PKHD1: variants seen among roughly 807,000 people sequenced by gnomAD.
PKHD1 encodes PKHD1 ciliary IPT domain containing fibrocystin/polyductin, also known as fibrocystin.
Under a neutral mutation model 412.0 loss-of-function variants are expected in PKHD1, and 291 were observed. That is an observed-to-expected ratio of 0.71 (90% CI 0.64 to 0.78). PKHD1 has a LOEUF of 0.78. Ranked by LOEUF, PKHD1 falls within the 30% of genes least tolerant of loss-of-function variation. The pLI is 0.00. For missense variants in PKHD1, 4,825 were observed against 4,950.7 expected (o/e 0.97, Z 0.76); for synonymous variants, 1,777 against 1,821.5 (o/e 0.98, Z 0.62).
chr6:52,040,566 T>C (rs1432977439), intron 27 of PKHD1, among the ~76,000 whole-genome samples: 2 of 152,100 alleles, frequency 1.3e-5, no homozygotes, highest in Non-Finnish European at 1.5e-5. Flanking sequence ...ATAACTTGCT[T>C]TGGGTCATCT....
chr6:51,706,494 A>G (rs1323067429), intron 60 of PKHD1, among the ~76,000 whole-genome samples: 1 of 150,516 alleles, frequency 6.6e-6, no homozygotes, highest in African/African-American at 2.4e-5. Flanking sequence ...AAAAAAAAAA[A>G]GGGTAACATG....
chr6:51,854,558 C>T (rs1772938833), intron 49 of PKHD1, among the ~76,000 whole-genome samples: 2 of 152,172 alleles, frequency 1.3e-5, no homozygotes, highest in African/African-American at 4.8e-5. Flanking sequence ...ACGGAGACTG[C>T]AGCTACCCAC....
At chr6:52,022,993 T>C (rs765208323) in intron 32 of PKHD1, 49 bp from the exon 33 acceptor site, 16 of 1,608,418 alleles carry the variant, frequency 9.9e-6, no homozygotes, top group Non-Finnish European at 7.7e-6. Context: ...AAATCTCCCT[T>C]CTTTACTCAA....
chr6:51,643,457 T>C (rs531179022), intron 63 of PKHD1, among the ~76,000 whole-genome samples: 1 of 152,050 alleles, frequency 6.6e-6, no homozygotes, highest in Admixed American at 6.5e-5. Context: ...TTTCAACAAA[T>C]TGAACAAAAG....
intron 60 of PKHD1, among the ~76,000 whole-genome samples, chr6:51,689,029 C>A (rs1777817392): frequency 6.6e-6 from 1 of 152,190 alleles, no homozygotes; most frequent in Non-Finnish European, 1.5e-5. Context: ...CAAAACCTGG[C>A]AGAGATACAA....
In PKHD1 at chr6:51,693,696, G is replaced by A. The variant is rs540409710; in HGVS notation, c.10157-33727C>T. On this transcript the variant is annotated intron_variant, in intron 60 of 66. Transcript: ENST00000371117. ...GCTTCATTAAAAACATGGGATGGCA[G>A]TGGTATAGCCATTACCTCCTTTGCT... 5.9e-5 allele frequency among the ~76,000 whole-genome samples: 9 copies of A among 152,324 alleles called. No individual in the cohort carries two copies. In the South Asian group the frequency reaches 1.7e-3, roughly 28 times the overall value.
intron 60 of PKHD1, among the ~76,000 whole-genome samples, chr6:51,671,234 G>C (rs960042889): frequency 2.0e-5 from 3 of 151,900 alleles, no homozygotes; most frequent in Non-Finnish European, 4.4e-5. Flanking sequence ...TTTCTTGGAG[G>C]CTTTGCTCGT....
chr6:51,834,688 AATG>A, intron 51 of PKHD1, among the ~76,000 whole-genome samples: 1 of 152,192 alleles, frequency 6.6e-6, no homozygotes, highest in Non-Finnish European at 1.5e-5. Flanking sequence ...AGAATCAGGC[AATG>A]TCTTGAAAGT....
chr6:51,658,899 T>C, intron 61 of PKHD1, 53 bp downstream of exon 61: 1 of 1,123,020 alleles, frequency 8.9e-7, no homozygotes, highest in Non-Finnish European at 1.4e-6. Flanking sequence ...CATATGTCAA[T>C]ATGGACCTAA....
At chr6:51,924,440 G>A (rs77388502) in intron 37 of PKHD1, among the ~76,000 whole-genome samples, 4,778 of 152,172 alleles carry the variant, frequency 0.031, 143 homozygotes, top group East Asian at 0.11. Context: ...TATAAATTTC[G>A]GACTTTACCT....
intron 60 of PKHD1, among the ~76,000 whole-genome samples, chr6:51,738,764 C>T (rs924569255): frequency 1.3e-5 from 2 of 152,196 alleles, no homozygotes; most frequent in Non-Finnish European, 2.9e-5. Context: ...CCACCTCTCA[C>T]ACATGCTGAG....
rs1200589688 is a variant in PKHD1 at position 51,748,447 on chromosome 6, C to T, written c.9169G>A (p.Ala3057Thr). 3 of 1,613,872 alleles carry T rather than the reference C, an allele frequency of 1.9e-6. No individual in the cohort carries two copies. Among genetic ancestry groups the T allele is most frequent in the Admixed American group, 1.7e-5 (1 of 59,944 alleles). Residue 3057 changes from alanine to threonine, a missense_variant, in exon 58 of 67, where the codon GCC becomes ACC. By Grantham distance (58) the Ala-to-Thr change is moderately conservative. Coordinates refer to ENST00000371117, the MANE Select transcript of PKHD1 (RefSeq NM_138694.4). Reference sequence around the variant, plus strand: ...ACAAGGTTATTAGTGACAGTATAGGCCTGACCCTCTAAATCTATGCCATGG... The same window carrying T: ...ACAAGGTTATTAGTGACAGTATAGGTCTGACCCTCTAAATCTATGCCATGG... ...AGHGIDLEGQ[A>T]YTVTNNLVVL...
At chr6:51,896,148 A>T (rs996622281) in intron 43 of PKHD1, among the ~76,000 whole-genome samples, 5 of 152,180 alleles carry the variant, frequency 3.3e-5, no homozygotes, top group Admixed American at 2.6e-4. Flanking sequence ...CGGAAGCTCG[A>T]ACTGGGTGGA....
chr6:51,856,976 AC>A (rs1454106216), intron 48 of PKHD1, among the ~76,000 whole-genome samples: 1 of 152,212 alleles, frequency 6.6e-6, no homozygotes, highest in African/African-American at 2.4e-5. Context: ...ACGTATAAAA[AC>A]GTTCAGAAGA....
intron 66 of PKHD1, 52 bp downstream of exon 66, chr6:51,626,945 C>T (rs1305378012): frequency 6.3e-7 from 1 of 1,599,370 alleles, no homozygotes; most frequent in African/African-American, 1.3e-5. Context: ...GAGGCTCAGA[C>T]CATCCACAGT....
At chr6:52,067,010 TG>T (rs1809832438) in intron 11 of PKHD1, among the ~76,000 whole-genome samples, 2 of 152,236 alleles carry the variant, frequency 1.3e-5, no homozygotes, top group Non-Finnish European at 2.9e-5. Flanking sequence ...GATCAAGCTT[TG>T]ACATTTCTAA....
chr6:51,669,282 T>C (rs1454183921), intron 60 of PKHD1, among the ~76,000 whole-genome samples: 1 of 152,230 alleles, frequency 6.6e-6, no homozygotes, highest in Non-Finnish European at 1.5e-5. Flanking sequence ...TGGGAGAGTG[T>C]ATGTGTCGAG....
chr6:51,631,402 C>A (rs1279521313), intron 65 of PKHD1, among the ~76,000 whole-genome samples: 2 of 152,136 alleles, frequency 1.3e-5, no homozygotes, highest in Non-Finnish European at 2.9e-5. Context: ...AACAGGGATA[C>A]CAGGCTGTAG....
At chr6:51,783,071 T>C (rs540622094) in intron 53 of PKHD1, among the ~76,000 whole-genome samples, 3 of 152,254 alleles carry the variant, frequency 2.0e-5, no homozygotes, top group African/African-American at 4.8e-5. Flanking sequence ...TGGCTACAAA[T>C]GTGAGACAGG....
Sources: gnomAD v4.1 joint callset for allele counts (sites outside exome capture counted in the v4.1 genomes callset) on GRCh38, gnomAD v4.1.1 for gene constraint, MANE v1.5 for transcripts, NCBI Gene and HGNC (gene_info 2026-07-23, HGNC 2026-07-21) for gene names.